RARB: variants seen among roughly 807,000 people sequenced by gnomAD.
RARB encodes the protein retinoic acid receptor beta.
In RARB, 17 loss-of-function variants were observed where a neutral mutation model predicts 51.9. The observed-to-expected ratio is 0.33, with a 90% CI of 0.22 to 0.49. The LOEUF (loss-of-function observed/expected upper bound fraction) is 0.49, where lower values mean the gene tolerates loss of function less well. Ranked by LOEUF, RARB falls within the 20% of genes least tolerant of loss-of-function variation. The pLI is 0.99. For missense variants in RARB, 369 were observed against 550.8 expected (o/e 0.67, Z 3.30); for synonymous variants, 215 against 195.4 (o/e 1.10, Z -0.84).
chr3:25,051,564 T>C (rs542031017), intron 2 of RARB, among the ~76,000 whole-genome samples: 36 of 147,416 alleles, frequency 2.4e-4, no homozygotes, highest in African/African-American at 8.7e-4. Flanking sequence ...TAATAGAGCT[T>C]CGTTACCTAC....
At chr3:25,104,389 G>A (rs535752490) in intron 3 of RARB, among the ~76,000 whole-genome samples, 70 of 152,264 alleles carry the variant, frequency 4.6e-4, no homozygotes, top group African/African-American at 1.5e-3. Flanking sequence ...TTGGAAGGCC[G>A]GGGATGGGGG....
At chr3:25,484,237 G>C (rs187023840) in intron 2 of RARB, among the ~76,000 whole-genome samples, 5 of 152,286 alleles carry the variant, frequency 3.3e-5, no homozygotes, top group Admixed American at 3.3e-4. Context: ...GAGGAAAGAG[G>C]TGTCTTTTTC....
At chr3:25,479,790 T>C (rs1696139326) in intron 2 of RARB, among the ~76,000 whole-genome samples, 1 of 152,186 alleles carries the variant, frequency 6.6e-6, no homozygotes, top group South Asian at 2.1e-4. Context: ...ACTGCATCTT[T>C]CAACCCCTCT....
intron 5 of RARB, among the ~76,000 whole-genome samples, chr3:25,221,897 A>G (rs1461010893): frequency 6.6e-6 from 1 of 152,184 alleles, no homozygotes; most frequent in African/African-American, 2.4e-5. Context: ...AATAAATCAT[A>G]TTTTGATCAG....
chr3:25,286,321 C>G (rs909598976), intron 5 of RARB, among the ~76,000 whole-genome samples: 1 of 152,114 alleles, frequency 6.6e-6, no homozygotes, highest in Non-Finnish European at 1.5e-5. Context: ...ATCTCCTGAC[C>G]TCGTGATCCA....
At chr3:24,932,717 A>T (rs539528255) in intron 2 of RARB, among the ~76,000 whole-genome samples, 1 of 152,252 alleles carries the variant, frequency 6.6e-6, no homozygotes, top group African/African-American at 2.4e-5. Flanking sequence ...AGGACTGTTA[A>T]TAGAGGTTTT....
In RARB at chr3:24,980,557, G is replaced by A. The variant is rs114029718; in HGVS notation, c.-379-79568G>A. Among the ~76,000 whole-genome samples, 1,352 of 151,918 alleles carry A rather than the reference G, an allele frequency of 8.9e-3. 4 individuals carry two copies. The highest frequency in any genetic ancestry group is 0.034 in the East Asian group (173 of 5,150). On this transcript the variant is annotated intron_variant, in intron 2 of 11. Transcript: ENST00000383772. ...ATCCTTTCTTCCACTTGATCGAATC[G>A]GCTTGTGAAGCTTGTGTATGCTTCA...
Position 25,594,516 on chromosome 3 carries a change from C to T in RARB, c.992-4C>T, listed in dbSNP as rs1421307407. 1 of 1,597,820 alleles carries T rather than the reference C, an allele frequency of 6.3e-7. No homozygotes were observed. Among genetic ancestry groups the T allele is most frequent in the African/African-American group, 1.4e-5 (1 of 73,498 alleles). Reference sequence around the variant, plus strand: ...TTGTTTAATACTTTATTCCTGGTATCCAGACCGCCAGGACCTTGAGGAACC... The same window carrying T: ...TTGTTTAATACTTTATTCCTGGTATTCAGACCGCCAGGACCTTGAGGAACC... On this transcript the variant is annotated splice_region_variant and splice_polypyrimidine_tract_variant and intron_variant, in intron 6 of 7. Coordinates refer to ENST00000330688, the MANE Select transcript of RARB (RefSeq NM_000965.5).
chr3:25,055,827 C>G (rs536011267), intron 2 of RARB, among the ~76,000 whole-genome samples: 3 of 152,170 alleles, frequency 2.0e-5, no homozygotes, highest in African/African-American at 7.2e-5. Context: ...CTCTATGCAG[C>G]AAGCCTCCAA....
intron 1 of RARB, among the ~76,000 whole-genome samples, chr3:25,449,846 G>C (rs1709113966): frequency 6.6e-6 from 1 of 151,778 alleles, no homozygotes; most frequent in Admixed American, 6.6e-5. Context: ...CCACCTCCTG[G>C]GTTCAAGCAA....
At chr3:25,365,742 C>G (rs944338932) in intron 5 of RARB, among the ~76,000 whole-genome samples, 1 of 152,210 alleles carries the variant, frequency 6.6e-6, no homozygotes, top group Admixed American at 6.5e-5. Flanking sequence ...AAGCCTTACT[C>G]TCAATGTGGT....
At chr3:24,916,149 G>A (rs1695101652) in intron 2 of RARB, among the ~76,000 whole-genome samples, 1 of 152,118 alleles carries the variant, frequency 6.6e-6, no homozygotes, top group Non-Finnish European at 1.5e-5. Context: ...TTATGTCTGA[G>A]CTGGAAAAAA....
intron 1 of RARB, among the ~76,000 whole-genome samples, chr3:24,850,071 T>G (rs1702537654): frequency 6.6e-6 from 1 of 152,210 alleles, no homozygotes; most frequent in Non-Finnish European, 1.5e-5. Flanking sequence ...TTTGTGTCCT[T>G]ACCTGGAAGA....
chr3:24,937,300 T>G (rs1286631915), intron 2 of RARB, among the ~76,000 whole-genome samples: 1 of 152,154 alleles, frequency 6.6e-6, no homozygotes, highest in Non-Finnish European at 1.5e-5. Context: ...GTTAGAGAAT[T>G]CGCTTCTATG....
chr3:25,152,955 C>T (rs772131298), intron 4 of RARB, among the ~76,000 whole-genome samples: 8 of 152,050 alleles, frequency 5.3e-5, no homozygotes, highest in Non-Finnish European at 1.0e-4. Context: ...TTCTTCTACA[C>T]ATTATTTCAA....
chr3:25,095,381 A>G (rs1699275843), intron 3 of RARB, among the ~76,000 whole-genome samples: 1 of 152,192 alleles, frequency 6.6e-6, no homozygotes. Context: ...AACTTCTTAT[A>G]AATGCAAATT....
At chr3:25,091,484 G>A (rs1031687378) in intron 3 of RARB, among the ~76,000 whole-genome samples, 3 of 152,150 alleles carry the variant, frequency 2.0e-5, no homozygotes, top group African/African-American at 7.2e-5. Flanking sequence ...ACACTGGACA[G>A]CTCGTTGCTT....
intron 4 of RARB, among the ~76,000 whole-genome samples, chr3:25,165,697 A>G (rs756920261): frequency 1.3e-5 from 2 of 152,182 alleles, no homozygotes; most frequent in Non-Finnish European, 2.9e-5. Context: ...GTTTGGGAAT[A>G]TACATGAAAA....
intron 5 of RARB, among the ~76,000 whole-genome samples, chr3:25,197,798 G>C (rs1212031032): frequency 6.6e-6 from 1 of 151,850 alleles, no homozygotes; most frequent in Non-Finnish European, 1.5e-5. Flanking sequence ...AAAATGGAAA[G>C]ATATTCCATG....
Sources: allele counts gnomAD v4.1 joint callset (sites outside exome capture counted in the v4.1 genomes callset), GRCh38; gene constraint gnomAD v4.1.1; transcripts MANE v1.5; gene names NCBI Gene and HGNC (gene_info 2026-07-23, HGNC 2026-07-21).